PIGK: variants seen among roughly 807,000 people sequenced by gnomAD.
PIGK encodes phosphatidylinositol glycan anchor biosynthesis class K, also known as GPI-anchor transamidase.
PIGK carries 42 observed loss-of-function variants against 50.6 expected under a neutral mutation model. That is an observed-to-expected ratio of 0.83 (90% CI 0.65 to 1.07). The LOEUF (loss-of-function observed/expected upper bound fraction) is 1.07, where lower values mean the gene tolerates loss of function less well. Among genes scored for constraint, PIGK ranks in the 50% least tolerant of loss-of-function variants. The pLI is 0.00. For missense variants in PIGK, 448 were observed against 488.7 expected (o/e 0.92, Z 0.78); for synonymous variants, 151 against 156.0 (o/e 0.97, Z 0.24).
chr1:77,147,546 T>A (rs1462580010), intron 9 of PIGK, among the ~76,000 whole-genome samples: 2 of 152,192 alleles, frequency 1.3e-5, no homozygotes, highest in African/African-American at 4.8e-5. Flanking sequence ...ATGTGCAAAA[T>A]TTTTACAGTC....
chr1:77,122,138 G>A (rs183038434), intron 10 of PIGK, 137 bp downstream of exon 10: 129 of 541,492 alleles, frequency 2.4e-4, no homozygotes, highest in African/African-American at 1.7e-3. Flanking sequence ...CTGTAATAGG[G>A]GTAGTCTAAA....
Position 77,193,820 on chromosome 1 carries a change from G to A in PIGK, c.239+12820C>T, listed in dbSNP as rs558239326. ...CGCAGATACCAAAAGCAATTGCAAC[G>A]AAAACAAAAATTGATAAATGGGACC... On this transcript the variant is annotated intron_variant, in intron 3 of 10. Transcript: ENST00000370812. Among the ~76,000 whole-genome samples, 89 of 152,106 alleles carry A rather than the reference G, an allele frequency of 5.9e-4. 1 individual carries two copies. Among genetic ancestry groups the A allele is most frequent in the African/African-American group, 2.0e-3 (81 of 41,506 alleles).
At chr1:77,218,867 T>G (rs1656650470) in intron 1 of PIGK, among the ~76,000 whole-genome samples, 1 of 152,124 alleles carries the variant, frequency 6.6e-6, no homozygotes. Context: ...CTTGAGAGTT[T>G]TAATAAACAC....
chr1:77,124,149 T>C (rs140137579), intron 9 of PIGK, among the ~76,000 whole-genome samples: 1 of 152,292 alleles, frequency 6.6e-6, no homozygotes, highest in East Asian at 1.9e-4. Flanking sequence ...CAGTCTCTGG[T>C]ATTTTGTTAT....
intron 1 of PIGK, among the ~76,000 whole-genome samples, chr1:77,216,596 A>T (rs1442045734): frequency 1.3e-5 from 2 of 152,070 alleles, no homozygotes; most frequent in Admixed American, 1.3e-4. Flanking sequence ...ATAGAATAAT[A>T]ACCTGAACAA....
intron 10 of PIGK, among the ~76,000 whole-genome samples, chr1:77,120,428 C>T (rs553490147): frequency 2.0e-5 from 3 of 152,180 alleles, no homozygotes; most frequent in Non-Finnish European, 2.9e-5. Flanking sequence ...TTATGTTGCC[C>T]GGGCTGGTCC....
intron 5 of PIGK, among the ~76,000 whole-genome samples, chr1:77,164,711 C>A (rs143203021): frequency 2.0e-5 from 3 of 151,880 alleles, no homozygotes; most frequent in African/African-American, 7.2e-5. Flanking sequence ...TAAGCACATA[C>A]GAGATTTCAG....
intron 3 of PIGK, among the ~76,000 whole-genome samples, chr1:77,172,066 T>C (rs1198793547): frequency 7.3e-6 from 1 of 136,348 alleles, no homozygotes; most frequent in Non-Finnish European, 1.6e-5. Context: ...TGGTTCTACA[T>C]TTAATTTTTT....
intron 8 of PIGK, among the ~76,000 whole-genome samples, chr1:77,155,747 A>C (rs1227684477): frequency 6.6e-6 from 1 of 152,196 alleles, no homozygotes; most frequent in African/African-American, 2.4e-5. Context: ...TAGGCCTGCC[A>C]GGAAGGGTCC....
chr1:77,110,919 AAAC>A (rs1653825716), intron 10 of PIGK, among the ~76,000 whole-genome samples: 1 of 152,140 alleles, frequency 6.6e-6, no homozygotes, highest in Non-Finnish European at 1.5e-5. Flanking sequence ...TACAAGAAAA[AAAC>A]AACCCCATCA....
intron 1 of PIGK, 73 bp downstream of exon 1, chr1:77,219,237 A>T (rs1320237582): frequency 8.0e-7 from 1 of 1,255,124 alleles, no homozygotes; most frequent in Non-Finnish European, 1.2e-6. Context: ...TCCCTCAGCT[A>T]CTGTGTATCG....
chr1:77,196,173 G>A, intron 3 of PIGK, among the ~76,000 whole-genome samples: 1 of 152,128 alleles, frequency 6.6e-6, no homozygotes, highest in Non-Finnish European at 1.5e-5. Context: ...TTCTTTTTAT[G>A]GCTGCATAGT....
chr1:77,107,919 T>A (rs1182364075), intron 10 of PIGK, among the ~76,000 whole-genome samples: 1 of 152,032 alleles, frequency 6.6e-6, no homozygotes, highest in Non-Finnish European at 1.5e-5. Context: ...AATCCCTGCC[T>A]TTTTTTGTTT....
intron 1 of PIGK, among the ~76,000 whole-genome samples, chr1:77,216,401 G>T (rs1466991493): frequency 1.3e-5 from 2 of 152,048 alleles, no homozygotes; most frequent in Non-Finnish European, 2.9e-5. Flanking sequence ...ATTTGCTGTA[G>T]TAATACAAGT....
At chr1:77,116,018 C>T (rs574948655) in intron 10 of PIGK, among the ~76,000 whole-genome samples, 3 of 152,104 alleles carry the variant, frequency 2.0e-5, no homozygotes, top group Non-Finnish European at 4.4e-5. Context: ...TCCACCAAGA[C>T]AAGGTATTCA....
At chr1:77,127,186 A>G (rs1654250979) in intron 9 of PIGK, among the ~76,000 whole-genome samples, 1 of 152,202 alleles carries the variant, frequency 6.6e-6, no homozygotes. Context: ...TATGAAGCCT[A>G]TGAAGTTAGT....
intron 10 of PIGK, among the ~76,000 whole-genome samples, chr1:77,117,954 C>T (rs1195953876): frequency 6.6e-6 from 1 of 152,142 alleles, no homozygotes; most frequent in African/African-American, 2.4e-5. Flanking sequence ...AGTATCACTG[C>T]CTCAGGCATC....
intron 10 of PIGK, among the ~76,000 whole-genome samples, chr1:77,096,890 T>TTTTTTTTTTG (rs1653419359): frequency 6.8e-6 from 1 of 148,058 alleles, no homozygotes. Flanking sequence ...TCTTTTTTTT[T>TTTTTTTTTTG]TTTTTTTGTT....
intron 10 of PIGK, among the ~76,000 whole-genome samples, chr1:77,099,876 A>G (rs1653503660): frequency 6.6e-6 from 1 of 152,178 alleles, no homozygotes; most frequent in African/African-American, 2.4e-5. Flanking sequence ...AAACTTTCAC[A>G]ATAAGTTACA....
Sources: allele counts gnomAD v4.1 joint callset (sites outside exome capture counted in the v4.1 genomes callset), GRCh38; gene constraint gnomAD v4.1.1; transcripts MANE v1.5; gene names NCBI Gene and HGNC (gene_info 2026-07-23, HGNC 2026-07-21).